MXI1: variants seen among roughly 807,000 people sequenced by gnomAD.
The protein encoded by MXI1 is max-interacting protein 1.
In MXI1, 18 loss-of-function variants were observed where a neutral mutation model predicts 36.9. The ratio of observed to expected loss-of-function variants is 0.49; its 90% CI spans 0.34 to 0.72. The LOEUF (loss-of-function observed/expected upper bound fraction) is 0.72. Ranked by LOEUF, MXI1 falls within the 30% of genes least tolerant of loss-of-function variation. The pLI is 0.01. For missense variants in MXI1, 304 were observed against 379.1 expected, an observed-to-expected ratio of 0.80 and a Z score of 1.64; for synonymous variants, 160 against 146.7, an observed-to-expected ratio of 1.09 and a Z score of -0.65.
chr10:110,227,885 A>C, intron 1 of MXI1: 1 of 364,552 alleles, frequency 2.7e-6, no homozygotes, highest in Non-Finnish European at 5.1e-6. Flanking sequence ...GGTGAATGGT[A>C]ACTGGTCACA....
At chr10:110,249,271 A>G (rs1426227864) in intron 3 of MXI1, among the ~76,000 whole-genome samples, 1 of 152,078 alleles carries the variant, frequency 6.6e-6, no homozygotes, top group African/African-American at 2.4e-5. Flanking sequence ...ATTCCTTAAA[A>G]TTTGCCACTT....
intron 5 of MXI1, among the ~76,000 whole-genome samples, chr10:110,280,812 T>C (rs941180919): frequency 4.6e-5 from 7 of 152,240 alleles, no homozygotes; most frequent in Admixed American, 6.5e-5. Context: ...CAACACCCTT[T>C]ATTTCTCTTT....
intron 1 of MXI1, among the ~76,000 whole-genome samples, chr10:110,216,018 G>A (rs1854628324): frequency 6.6e-6 from 1 of 152,218 alleles, no homozygotes; most frequent in Non-Finnish European, 1.5e-5. Flanking sequence ...CCTGGCTAGA[G>A]GTGTTAAAGC....
intron 1 of MXI1, among the ~76,000 whole-genome samples, chr10:110,216,986 T>C (rs897720343): frequency 1.3e-5 from 2 of 152,110 alleles, no homozygotes; most frequent in Non-Finnish European, 2.9e-5. Flanking sequence ...TTTGTGTTTT[T>C]GTGTTTGTCC....
rs528735924 is a variant in MXI1 at position 110,229,704 on chromosome 10, G to GT, written c.407+1383_407+1384insT. Among the ~76,000 whole-genome samples the GT allele has an allele frequency of 1.8e-4, 28 of 152,174 alleles. No homozygotes were observed. The East Asian group carries it at 5.4e-3, about 29-fold the overall frequency. ...GGGTCTAGAGATTTTGTTGTAGTAT[G>GT]GTGTATTTGAGATGAAAATATGTAG... is the stretch of plus-strand genomic sequence containing the variant. On this transcript the variant is annotated intron_variant, in intron 2 of 5. Transcript: ENST00000332674.
chr10:110,272,128 T>C (rs1235230901), intron 3 of MXI1, among the ~76,000 whole-genome samples: 1 of 152,170 alleles, frequency 6.6e-6, no homozygotes, highest in Non-Finnish European at 1.5e-5. Context: ...GTAGTACAGG[T>C]TGAGCATCCC....
At chr10:110,259,016 A>G (rs1340265851) in intron 3 of MXI1, among the ~76,000 whole-genome samples, 1 of 152,134 alleles carries the variant, frequency 6.6e-6, no homozygotes, top group East Asian at 1.9e-4. Context: ...GTGGGAAGAA[A>G]TGAGATTATG....
intron 2 of MXI1, among the ~76,000 whole-genome samples, chr10:110,238,620 G>A (rs994816827): frequency 2.6e-5 from 4 of 152,104 alleles, no homozygotes; most frequent in African/African-American, 9.7e-5. Flanking sequence ...AAGATTTTAT[G>A]TAGGATTGGT....
intron 3 of MXI1, among the ~76,000 whole-genome samples, chr10:110,249,729 A>G (rs927439233): frequency 2.6e-5 from 4 of 152,152 alleles, no homozygotes; most frequent in African/African-American, 9.7e-5. Context: ...TAAATATGGA[A>G]TTGTGAAACC....
intron 5 of MXI1, 119 bp from the exon 6 acceptor site, chr10:110,284,705 C>A: frequency 1.0e-6 from 1 of 962,384 alleles, no homozygotes. Context: ...CTCCAGACAT[C>A]ACTGATAATA....
chr10:110,224,258 G>C (rs373356840), intron 1 of MXI1, among the ~76,000 whole-genome samples: 1 of 152,156 alleles, frequency 6.6e-6, no homozygotes, highest in East Asian at 1.9e-4. Context: ...AAAAGTTATG[G>C]GTATGTTTGC....
At chr10:110,240,579 G>T (rs1855635436) in intron 2 of MXI1, among the ~76,000 whole-genome samples, 1 of 151,978 alleles carries the variant, frequency 6.6e-6, no homozygotes, top group South Asian at 2.1e-4. Context: ...CTTAAAAGAA[G>T]AATAATAATA....
intron 1 of MXI1, among the ~76,000 whole-genome samples, chr10:110,225,755 CA>C (rs1854939386): frequency 1.3e-5 from 2 of 152,188 alleles, no homozygotes; most frequent in African/African-American, 2.4e-5. Context: ...CTCCCAGAAG[CA>C]AAGTCCCGCA....
chr10:110,281,397 T>C (rs1005773503), intron 5 of MXI1, among the ~76,000 whole-genome samples: 2 of 152,220 alleles, frequency 1.3e-5, no homozygotes, highest in African/African-American at 4.8e-5. Context: ...CAGTCTGTGA[T>C]ACATTTTCTC....
chr10:110,264,202 A>C (rs908235403), intron 3 of MXI1, among the ~76,000 whole-genome samples: 9 of 152,166 alleles, frequency 5.9e-5, no homozygotes, highest in Admixed American at 5.9e-4. Flanking sequence ...ATTAGAGATA[A>C]GAGGTTATTA....
intron 2 of MXI1, among the ~76,000 whole-genome samples, chr10:110,238,672 G>T (rs188746145): frequency 1.3e-3 from 200 of 152,044 alleles, no homozygotes; most frequent in African/African-American, 4.6e-3. Context: ...TGCCAATGAA[G>T]AACTTTCAGG....
chr10:110,258,246 G>T (rs1856386511), intron 3 of MXI1, among the ~76,000 whole-genome samples: 2 of 152,118 alleles, frequency 1.3e-5, no homozygotes, highest in African/African-American at 4.8e-5. Flanking sequence ...TAGCCTAAAG[G>T]TAGAAAATTG....
intron 1 of MXI1, among the ~76,000 whole-genome samples, chr10:110,227,132 G>T (rs1319637045): frequency 9.4e-6 from 1 of 105,932 alleles, no homozygotes; most frequent in East Asian, 3.0e-4. Flanking sequence ...CGCACGTTAG[G>T]GGAGGGGCGT....
chr10:110,229,074 G>A (rs1855165559), intron 2 of MXI1, among the ~76,000 whole-genome samples: 1 of 152,110 alleles, frequency 6.6e-6, no homozygotes, highest in South Asian at 2.1e-4. Flanking sequence ...AAAAATAGAT[G>A]TACTAAGATG....
Sources: gnomAD v4.1 joint callset for allele counts (sites outside exome capture counted in the v4.1 genomes callset) on GRCh38, gnomAD v4.1.1 for gene constraint, MANE v1.5 for transcripts, NCBI Gene and HGNC (gene_info 2026-07-23, HGNC 2026-07-21) for gene names.